Variants in TRAPPC9 observed in about 807,000 individuals in gnomAD.
The protein encoded by TRAPPC9 is trafficking protein particle complex subunit 9, also known as IKK2 binding protein.
TRAPPC9 carries 83 observed loss-of-function variants against 124.0 expected under a neutral mutation model. The ratio of observed to expected loss-of-function variants is 0.67; its 90% CI spans 0.56 to 0.80. TRAPPC9 has a LOEUF of 0.80. Among genes scored for constraint, TRAPPC9 ranks in the 30% least tolerant of loss-of-function variants. The pLI is 0.00. For missense variants in TRAPPC9, 1,302 were observed against 1,508.3 expected, an observed-to-expected ratio of 0.86 and a Z score of 2.27; for synonymous variants, 638 against 617.5, an observed-to-expected ratio of 1.03 and a Z score of -0.49.
At chr8:139,875,090 A>C (rs1451492017) in intron 21 of TRAPPC9, among the ~76,000 whole-genome samples, 1 of 152,182 alleles carries the variant, frequency 6.6e-6, no homozygotes, top group Non-Finnish European at 1.5e-5. Flanking sequence ...CAGGCTCCCA[A>C]ATGGTATTTC....
intron 6 of TRAPPC9, among the ~76,000 whole-genome samples, chr8:140,404,767 TGTGC>T (rs1349143275): frequency 1.3e-5 from 2 of 151,990 alleles, no homozygotes; most frequent in African/African-American, 2.4e-5. Flanking sequence ...CGTGCATGTG[TGTGC>T]GTGTGTGAGC....
At chr8:140,074,137 C>T (rs1453058459) in intron 17 of TRAPPC9, among the ~76,000 whole-genome samples, 1 of 152,160 alleles carries the variant, frequency 6.6e-6, no homozygotes, top group Non-Finnish European at 1.5e-5. Context: ...GTGGGTCAGA[C>T]AGCACGGAAT....
chr8:140,414,858 C>T (rs2132481668), intron 5 of TRAPPC9, among the ~76,000 whole-genome samples: 1 of 152,228 alleles, frequency 6.6e-6, no homozygotes, highest in African/African-American at 2.4e-5. Flanking sequence ...TCTCCTGCCT[C>T]AGCCTCCCCA....
At chr8:139,903,024 T>C (rs1831118710) in intron 20 of TRAPPC9, among the ~76,000 whole-genome samples, 3 of 152,176 alleles carry the variant, frequency 2.0e-5, no homozygotes, top group Admixed American at 1.3e-4. Flanking sequence ...GGGTGACTGT[T>C]GTCTGCAAGA....
chr8:140,203,996 G>T (rs2062857750), intron 17 of TRAPPC9, among the ~76,000 whole-genome samples: 1 of 152,184 alleles, frequency 6.6e-6, no homozygotes, highest in Admixed American at 6.5e-5. Context: ...GATGGACGAT[G>T]ATATGGTTTG....
rs57873554 is a variant in TRAPPC9 at position 139,754,777 on chromosome 8, T to C, written c.3056-22575A>G. On this transcript the variant is annotated intron_variant, in intron 21 of 22. Transcript: ENST00000438773. ...CGTGTCACAAGCTGAACAGCACATC[T>C]TCCTCCCCTGGCTGAAAACAGGTCT... 2.3e-3 allele frequency among the ~76,000 whole-genome samples: 354 copies of C among 152,350 alleles called. 2 individuals are homozygous for C. Among genetic ancestry groups the C allele is most frequent in the African/African-American group, 7.8e-3 (325 of 41,578 alleles).
chr8:140,363,601 CTT>C (rs543442679), intron 8 of TRAPPC9, among the ~76,000 whole-genome samples: 3 of 145,584 alleles, frequency 2.1e-5, no homozygotes, highest in Non-Finnish European at 3.0e-5. Flanking sequence ...ACACAAACGT[CTT>C]TTTTTTTTTT....
intron 7 of TRAPPC9, among the ~76,000 whole-genome samples, chr8:140,381,485 G>C (rs2068606689): frequency 1.3e-5 from 2 of 151,836 alleles, no homozygotes; most frequent in Non-Finnish European, 2.9e-5. Context: ...GGCCAACATG[G>C]TGAAACCCCA....
At chr8:140,417,275 C>T (rs2069968881) in intron 5 of TRAPPC9, among the ~76,000 whole-genome samples, 1 of 152,088 alleles carries the variant, frequency 6.6e-6, no homozygotes. Flanking sequence ...AGTCAACAGG[C>T]AACCTACAGA....
At chr8:140,305,447 T>C (rs1358086196) in intron 10 of TRAPPC9, among the ~76,000 whole-genome samples, 2 of 152,060 alleles carry the variant, frequency 1.3e-5, no homozygotes, top group African/African-American at 4.8e-5. Flanking sequence ...ACTCCAGGCA[T>C]GCACTACCAC....
intron 17 of TRAPPC9, among the ~76,000 whole-genome samples, chr8:140,033,060 T>C (rs1840602615): frequency 6.6e-6 from 1 of 152,246 alleles, no homozygotes; most frequent in South Asian, 2.1e-4. Flanking sequence ...TTTCCCTATT[T>C]TTTTAATTGA....
chr8:140,456,203 T>C (rs1588392421), intron 1 of TRAPPC9, among the ~76,000 whole-genome samples: 1 of 151,380 alleles, frequency 6.6e-6, no homozygotes, highest in African/African-American at 2.4e-5. Context: ...AGGTCAGGAG[T>C]TCGAGAGCAG....
Position 140,005,474 on chromosome 8 carries a change from C to T in TRAPPC9, c.2700-16638G>A, listed in dbSNP as rs556123844. ...CAAAGGCACTGAGTATAATTCTAAGCGGCAGCCTGGTGAAGTTTTGGGGGT... is the reference window on the plus strand; with the variant it reads ...CAAAGGCACTGAGTATAATTCTAAGTGGCAGCCTGGTGAAGTTTTGGGGGT... On this transcript the variant is annotated intron_variant, in intron 18 of 22. Transcript: ENST00000438773. Among the ~76,000 whole-genome samples, 66 of 152,266 alleles carry T rather than the reference C, an allele frequency of 4.3e-4. 1 individual carries two copies. The South Asian group carries it at 8.5e-3, about 20-fold the overall frequency.
intron 19 of TRAPPC9, among the ~76,000 whole-genome samples, chr8:139,926,039 T>A (rs929974685): frequency 1.3e-5 from 2 of 152,160 alleles, no homozygotes; most frequent in African/African-American, 4.8e-5. Flanking sequence ...TCTTCTCCAC[T>A]CTTCATCCAG....
intron 17 of TRAPPC9, among the ~76,000 whole-genome samples, chr8:140,083,589 C>A (rs1362991744): frequency 1.3e-5 from 2 of 152,146 alleles, no homozygotes; most frequent in Non-Finnish European, 2.9e-5. Flanking sequence ...CCTCGCTGCC[C>A]TTCCATTTCT....
chr8:139,858,599 C>G (rs1027805399), intron 21 of TRAPPC9, among the ~76,000 whole-genome samples: 3 of 152,192 alleles, frequency 2.0e-5, no homozygotes, highest in African/African-American at 7.2e-5. Flanking sequence ...CCCAGTAGAT[C>G]TGGGGACTGG....
chr8:140,332,961 A>C (rs2066932793), intron 9 of TRAPPC9, among the ~76,000 whole-genome samples: 1 of 152,138 alleles, frequency 6.6e-6, no homozygotes, highest in Admixed American at 6.5e-5. Context: ...CCCCAACTCT[A>C]CTAAAAATAC....
intron 19 of TRAPPC9, among the ~76,000 whole-genome samples, chr8:139,978,247 A>C (rs1260796825): frequency 2.0e-5 from 3 of 152,194 alleles, no homozygotes; most frequent in Non-Finnish European, 4.4e-5. Flanking sequence ...TTTTAACGAA[A>C]TGCAAAATGT....
intron 17 of TRAPPC9, among the ~76,000 whole-genome samples, chr8:140,143,398 A>G (rs901926762): frequency 1.3e-5 from 2 of 152,192 alleles, no homozygotes; most frequent in Non-Finnish European, 2.9e-5. Flanking sequence ...TCTGATGGCT[A>G]TATGTCAGTC....
Sources: allele counts gnomAD v4.1 joint callset (sites outside exome capture counted in the v4.1 genomes callset), GRCh38; gene constraint gnomAD v4.1.1; transcripts MANE v1.5; gene names NCBI Gene and HGNC (gene_info 2026-07-23, HGNC 2026-07-21).